OR10H5: variants seen among roughly 807,000 people sequenced by gnomAD.
The protein encoded by OR10H5 is olfactory receptor family 10 subfamily H member 5.
Under a neutral mutation model 12.2 loss-of-function variants are expected in OR10H5, and 7 were observed. The observed-to-expected ratio is 0.57, with a 90% CI of 0.33 to 1.07. The LOEUF is 1.07. Ranked by LOEUF, OR10H5 falls within the 50% of genes least tolerant of loss-of-function variation. The probability of loss-of-function intolerance (pLI) is 0.04; values close to 1 mark genes in which losing one functional copy is unlikely to be tolerated. For synonymous variants in OR10H5, 159 were observed against 175.1 expected, an observed-to-expected ratio of 0.91 and a Z score of 0.73; for missense variants, 346 against 411.6, an observed-to-expected ratio of 0.84 and a Z score of 1.38.
rs768787661 is a variant in OR10H5 at position 15,794,837 on chromosome 19, C to T, written c.789C>T (p.Pro263=). 1.2e-5 allele frequency: 20 copies of T among 1,614,056 alleles called. No individual in the cohort carries two copies. Among genetic ancestry groups the T allele is most frequent in the Non-Finnish European group, 1.6e-5 (19 of 1,180,036 alleles). Residue 263 remains proline, a synonymous_variant, in exon 2 of 2, where the codon CCC becomes CCT. Coordinates refer to ENST00000642092, the MANE Select transcript of OR10H5 (RefSeq NM_001004466.2). ...TTGCCTCCGTCATTTACCTGAAGCCCAAAGGTCCCCAGTCTCCGGAAGGAG... is the reference window on the plus strand; with the variant it reads ...TTGCCTCCGTCATTTACCTGAAGCCTAAAGGTCCCCAGTCTCCGGAAGGAG... ...YGFASVIYLK[P]KGPQSPEGDT... is the part of the protein sequence containing the mutation.
chr19:15,792,257 T>C (rs1336233594), intron 1 of OR10H5, among the ~76,000 whole-genome samples: 1 of 152,224 alleles, frequency 6.6e-6, no homozygotes, highest in East Asian at 1.9e-4. Flanking sequence ...AAGATTATTA[T>C]GTGATATGTT....
chr19:15,790,578 T>TGA (rs142617119), intron 1 of OR10H5, among the ~76,000 whole-genome samples: 1 of 151,864 alleles, frequency 6.6e-6, no homozygotes, highest in Non-Finnish European at 1.5e-5. Context: ...CACCGTGGGC[T>TGA]GAGAGAGAGG....
rs768809388 is a variant in OR10H5 at position 15,794,193 on chromosome 19, G to C, written c.145G>C (p.Val49Leu). Residue 49 changes from valine to leucine, a missense_variant, in exon 2 of 2, where the codon GTC becomes CTC. Transcript: ENST00000642092. ...LLGNLLIMAT[V>L]WSERSLHMPM... is the part of the protein sequence containing the mutation. ...GGGCAACCTGCTCATCATGGCCACT[G>C]TCTGGAGCGAGCGCAGCCTCCACAT... 6.2e-7 allele frequency: 1 copy of C among 1,614,082 alleles called. No homozygotes were observed. Among genetic ancestry groups the C allele is most frequent in the Admixed American group, 1.7e-5 (1 of 60,012 alleles).
At position 15,794,530 on chromosome 19, in the gene OR10H5, C is replaced by T. The variant is rs542973539; in HGVS notation, c.482C>T (p.Ser161Leu). 2.8e-5 allele frequency: 45 copies of T among 1,614,238 alleles called. No homozygotes were observed. The Admixed American group carries it at 4.2e-4, about 15-fold the overall frequency. The change falls in exon 2 of 2, where the codon TCG becomes TTG. Residue 161 changes from serine to leucine, a missense_variant. Transcript: ENST00000642092. ...GGLVMGMVVT[S>L]AIFHLAFCGH... ...TTGGTCATGGGGATGGTGGTGACCT[C>T]GGCCATTTTCCACCTCGCCTTCTGT... is the stretch of plus-strand genomic sequence containing the variant.
Position 15,794,524 on chromosome 19 carries a change from T to C in OR10H5, c.476T>C (p.Val159Ala), listed in dbSNP as rs755473993. Reference protein sequence around the residue: ...WAGGLVMGMVVTSAIFHLAFC... With the variant: ...WAGGLVMGMVATSAIFHLAFC... ...GGTGGCTTGGTCATGGGGATGGTGG[T>C]GACCTCGGCCATTTTCCACCTCGCC... Residue 159 changes from valine to alanine, a missense_variant, in exon 2 of 2, where the codon GTG (valine) becomes GCG (alanine). Transcript: ENST00000642092. 1 of 1,614,210 alleles carries C rather than the reference T, an allele frequency of 6.2e-7. No individual in the cohort carries two copies. The highest frequency in any genetic ancestry group is 1.7e-5 in the Admixed American group (1 of 60,014).
chr19:15,794,063 C>T lies in OR10H5; in HGVS notation c.15C>T (p.Asn5=). 6.2e-7 allele frequency: 1 copy of T among 1,613,444 alleles called. No individual in the cohort carries two copies. ...GGGTGGCCGCCATGCAGGGGCTAAA[C>T]CACACCTCCGTGTCTGAATTCATCC... MQGL[N]HTSVSEFILV... Residue 5 remains asparagine (N), a synonymous_variant, in exon 2 of 2, where the codon AAC becomes AAT. Coordinates refer to ENST00000642092, the MANE Select transcript of OR10H5 (RefSeq NM_001004466.2).
chr19:15,798,592 G>A lies in OR10H5; in HGVS notation c.*3596G>A, dbSNP rs191577197. 1.3e-5 allele frequency: 2 copies of A among 152,242 alleles called. No homozygotes were observed. Among genetic ancestry groups the A allele is most frequent in the Admixed American group, 1.3e-4 (2 of 15,284 alleles). 9.4% of individuals were successfully genotyped at this position (152,242 alleles called of 1,614,324 possible). On this transcript the variant is annotated 3_prime_UTR_variant, in exon 2 of 2. Coordinates refer to ENST00000642092, the MANE Select transcript of OR10H5 (RefSeq NM_001004466.2). The stretch of plus-strand genomic sequence containing the variant: ...AGAGACCAAGGCCAGCTTGAAAGAT[G>A]TGATCTGTGTCCTTCACTTCTTTTG...
At chr19:15,793,094 T>C (rs1166391218) in intron 1 of OR10H5, among the ~76,000 whole-genome samples, 2 of 152,184 alleles carry the variant, frequency 1.3e-5, no homozygotes. Context: ...ATGATCTTAT[T>C]TAAACCTTTA....
chr19:15,790,577 C>A (rs981956019), intron 1 of OR10H5, among the ~76,000 whole-genome samples: 10 of 151,882 alleles, frequency 6.6e-5, no homozygotes, highest in Non-Finnish European at 1.3e-4. Context: ...GCACCGTGGG[C>A]TGAGAGAGAG....
rs921487786 is a variant in OR10H5, at chr19:15,799,000, T to C, written c.*4004T>C. 2 of 152,120 alleles carry C rather than the reference T, an allele frequency of 1.3e-5. No individual in the cohort carries two copies. The highest frequency in any genetic ancestry group is 2.9e-5 in the Non-Finnish European group (2 of 68,030). The allele number at this position is 152,120 out of a possible 1,614,324, so 9.4% of individuals were successfully genotyped here. A position where few individuals can be genotyped will look rare whatever the true frequency, so the allele number is the denominator to read the frequency against. On this transcript the variant is annotated 3_prime_UTR_variant, in exon 2 of 2. Transcript: ENST00000642092. ...TCGGACTCCTGATTTCAGGTGATAC[T>C]ACCACCTCGGCCTCCCAAGGTGCCG...
rs2088834429 is a variant in OR10H5, at chr19:15,795,220, C to T, written c.*224C>T. The T allele has an allele frequency of 5.3e-6, 3 of 564,376 alleles. No individual in the cohort carries two copies. The highest frequency in any genetic ancestry group is 9.4e-6 in the Non-Finnish European group (3 of 319,966). 35.0% of individuals were successfully genotyped at this position (564,376 alleles called of 1,614,324 possible). ...ATCCTTCCTCCCTCCCTCCCTCCCC[C>T]TTCCTTCTTCTCTGCCTACTTCCCT... On this transcript the variant is annotated 3_prime_UTR_variant, in exon 2 of 2. Transcript: ENST00000642092.
rs1430022008 is a variant in OR10H5 at position 15,794,238 on chromosome 19, T to A, written c.190T>A (p.Cys64Ser). 1 of 1,614,024 alleles carries A rather than the reference T, an allele frequency of 6.2e-7. No individual in the cohort carries two copies. The highest frequency in any genetic ancestry group is 8.5e-7 in the Non-Finnish European group (1 of 1,180,020). The part of the protein sequence containing the change: ...SLHMPMYLFL[C>S]ALSITEILYT... ...CCACATGCCCATGTACCTCTTCCTG[T>A]GTGCCCTCTCCATCACCGAGATCCT... The change falls in exon 2 of 2, where the codon TGT becomes AGT. Residue 64 changes from cysteine to serine, a missense_variant. Cys to Ser is a moderately radical substitution (Grantham distance 112). Transcript: ENST00000642092.
Position 15,794,223 on chromosome 19 carries a change from A to G in OR10H5, c.175A>G (p.Met59Val). The change falls in exon 2 of 2, where the codon ATG becomes GTG. Residue 59 changes from methionine to valine, a missense_variant. Transcript: ENST00000642092. ...VWSERSLHMP[M>V]YLFLCALSIT... is the part of the protein sequence containing the mutation. ...GAGCGAGCGCAGCCTCCACATGCCC[A>G]TGTACCTCTTCCTGTGTGCCCTCTC... The G allele has an allele frequency of 6.2e-7, 1 of 1,613,876 alleles. No homozygotes were observed. The highest frequency in any genetic ancestry group is 8.5e-7 in the Non-Finnish European group (1 of 1,179,954).
Position 15,794,855 on chromosome 19 carries a change from G to T in OR10H5, c.807G>T (p.Pro269=). The T allele has an allele frequency of 6.2e-7, 1 of 1,614,032 alleles. No homozygotes were observed. Among genetic ancestry groups the T allele is most frequent in the South Asian group, 1.1e-5 (1 of 91,070 alleles). Residue 269 remains proline (P), a synonymous_variant, in exon 2 of 2, where the codon CCG becomes CCT. Transcript: ENST00000642092. Reference sequence around the variant, plus strand: ...TGAAGCCCAAAGGTCCCCAGTCTCCGGAAGGAGACACCTTGATGGGCATCA... The same window carrying T: ...TGAAGCCCAAAGGTCCCCAGTCTCCTGAAGGAGACACCTTGATGGGCATCA... ...IYLKPKGPQS[P]EGDTLMGITY... is the part of the protein sequence containing the mutation.
In OR10H5 at chr19:15,794,045, C is replaced by A; in HGVS notation, c.-4C>A. On this transcript the variant is annotated 5_prime_UTR_variant, in exon 2 of 2. Coordinates refer to ENST00000642092, the MANE Select transcript of OR10H5 (RefSeq NM_001004466.2). ...CCTCTCTCCACCAACTAGGGGTGGC[C>A]GCCATGCAGGGGCTAAACCACACCT... The A allele has an allele frequency of 6.2e-7, 1 of 1,608,006 alleles. No homozygotes were observed. Among genetic ancestry groups the A allele is most frequent in the South Asian group, 1.1e-5 (1 of 90,376 alleles).
chr19:15,794,547 G>A lies in OR10H5; in HGVS notation c.499G>A (p.Ala167Thr), dbSNP rs201858159. 2.7e-4 allele frequency: 442 copies of A among 1,614,200 alleles called. 3 individuals are homozygous for A. In the Middle Eastern group the frequency reaches 4.1e-3, roughly 15 times the overall value. ...GGTGACCTCGGCCATTTTCCACCTCGCCTTCTGTGGACACAAGGAGATCCA... is the reference window on the plus strand; with the variant it reads ...GGTGACCTCGGCCATTTTCCACCTCACCTTCTGTGGACACAAGGAGATCCA... The part of the protein sequence containing the change: ...MVVTSAIFHL[A>T]FCGHKEIHHF... Residue 167 changes from alanine to threonine, a missense_variant, in exon 2 of 2, where the codon GCC (alanine) becomes ACC (threonine). Physicochemically the swap from Ala to Thr is moderately conservative, Grantham distance 58 (BLOSUM62 0). Coordinates refer to ENST00000642092, the MANE Select transcript of OR10H5 (RefSeq NM_001004466.2).
chr19:15,788,117 T>C (rs1335085507), intron 1 of OR10H5, among the ~76,000 whole-genome samples: 1 of 152,154 alleles, frequency 6.6e-6, no homozygotes, highest in African/African-American at 2.4e-5. Flanking sequence ...GCATCACCCA[T>C]GTGTACTCCT....
In OR10H5 at chr19:15,799,477, A is replaced by C. The variant is rs141118627; in HGVS notation, c.*4481A>C. ...GCATTTTTTCCCTCGAAAGACTAAAAAATGGAAGCCATCATTAATTTAAAA... is the reference window on the plus strand; with the variant it reads ...GCATTTTTTCCCTCGAAAGACTAAACAATGGAAGCCATCATTAATTTAAAA... On this transcript the variant is annotated 3_prime_UTR_variant, in exon 2 of 2. Transcript: ENST00000642092. The C allele has an allele frequency of 8.6e-4, 131 of 152,212 alleles. No homozygotes were observed. The highest frequency in any genetic ancestry group is 2.9e-3 in the African/African-American group (122 of 41,510). The allele number at this position is 152,212 out of a possible 1,614,324, so 9.4% of individuals were successfully genotyped here. A position where few individuals can be genotyped will look rare whatever the true frequency, so the allele number is the denominator to read the frequency against.
chr19:15,791,327 T>C (rs911401566), intron 1 of OR10H5, among the ~76,000 whole-genome samples: 1 of 151,788 alleles, frequency 6.6e-6, no homozygotes, highest in Non-Finnish European at 1.5e-5. Context: ...GCCTGGGCAA[T>C]GAGAGCAAAA....
Sources: gnomAD v4.1 joint callset for allele counts (sites outside exome capture counted in the v4.1 genomes callset) on GRCh38, gnomAD v4.1.1 for gene constraint, MANE v1.5 for transcripts, NCBI Gene and HGNC (gene_info 2026-07-23, HGNC 2026-07-21) for gene names.